C10orf90: variants seen among roughly 807,000 people sequenced by gnomAD.
C10orf90 encodes the protein chromosome 10 open reading frame 90, also known as (E2-independent) E3 ubiquitin-conjugating enzyme FATS.
In C10orf90, 56 loss-of-function variants were observed where a neutral mutation model predicts 62.5. The ratio of observed to expected loss-of-function variants is 0.90; its 90% confidence interval spans 0.72 to 1.12. The LOEUF is 1.12. Ranked by LOEUF, C10orf90 falls within the 50% of genes most tolerant of loss-of-function variation. The pLI is 0.00. For missense variants in C10orf90, 970 were observed against 880.4 expected (o/e 1.10, Z -1.29); for synonymous variants, 386 against 340.4 (o/e 1.13, Z -1.47).
chr10:126,570,928 A>T (rs1476995584), intron 2 of C10orf90, among the ~76,000 whole-genome samples: 1 of 151,994 alleles, frequency 6.6e-6, no homozygotes, highest in Non-Finnish European at 1.5e-5. Context: ...CCAGAAACAT[A>T]TTTTCTCAAT....
At chr10:126,447,263 C>T (rs1858843564) in intron 7 of C10orf90, among the ~76,000 whole-genome samples, 1 of 150,498 alleles carries the variant, frequency 6.6e-6, no homozygotes, top group Admixed American at 6.6e-5. Context: ...AAAAAAAAGA[C>T]CTAATAATAA....
chr10:126,461,054 GC>G (rs1859940919), intron 6 of C10orf90, among the ~76,000 whole-genome samples: 1 of 152,110 alleles, frequency 6.6e-6, no homozygotes, highest in Admixed American at 6.6e-5. Flanking sequence ...GAGATCTGGA[GC>G]CCCTATATGC....
intron 4 of C10orf90, among the ~76,000 whole-genome samples, chr10:126,471,403 A>C (rs1180018397): frequency 1.3e-5 from 2 of 152,202 alleles, no homozygotes; most frequent in East Asian, 3.8e-4. Context: ...TTTTCTCCCT[A>C]AAGCTGCAGA....
In C10orf90 at chr10:126,513,908, A is replaced by G; in HGVS notation, c.345T>C (p.Asp115=). 2.5e-6 allele frequency: 4 copies of G among 1,613,340 alleles called. No homozygotes were observed. The highest frequency in any genetic ancestry group is 3.4e-6 in the Non-Finnish European group (4 of 1,179,492). ...ACTGGAGATTTTTAAGGGCAATTTG[A>G]TCTCTTCTACTGTGGTAGCTGTCCC... ...GLRDSYHSRR[D]QIALKNLQSD... Residue 115 remains aspartate (D), a synonymous_variant, in exon 3 of 10, where the codon GAT becomes GAC. Coordinates refer to ENST00000488181, the MANE Select transcript of C10orf90 (RefSeq NM_001350921.2).
At chr10:126,621,574 G>A (rs1845644284) in intron 2 of C10orf90, among the ~76,000 whole-genome samples, 1 of 152,164 alleles carries the variant, frequency 6.6e-6, no homozygotes, top group South Asian at 2.1e-4. Context: ...CCCACCATCT[G>A]TGCTTTGTGC....
At chr10:126,534,481 T>C (rs913307948) in intron 2 of C10orf90, among the ~76,000 whole-genome samples, 2 of 152,220 alleles carry the variant, frequency 1.3e-5, no homozygotes, top group African/African-American at 4.8e-5. Flanking sequence ...GTCTGAAAGA[T>C]ATTTTTCCCG....
chr10:126,633,777 C>T (rs1276569915), intron 2 of C10orf90, among the ~76,000 whole-genome samples: 1 of 152,176 alleles, frequency 6.6e-6, no homozygotes, highest in Admixed American at 6.5e-5. Flanking sequence ...AAACATAATG[C>T]TTCAGAAAAG....
intron 2 of C10orf90, among the ~76,000 whole-genome samples, chr10:126,609,143 C>A (rs181038612): frequency 6.6e-6 from 1 of 152,340 alleles, no homozygotes; most frequent in Non-Finnish European, 1.5e-5. Flanking sequence ...TGGCTCACGC[C>A]TGTAATCCCA....
chr10:126,661,931 A>G lies in C10orf90; in HGVS notation c.240+8310T>C, dbSNP rs1285675821. On this transcript the variant is annotated intron_variant, in intron 1 of 9. Coordinates refer to ENST00000488181, the MANE Select transcript of C10orf90 (RefSeq NM_001350921.2). ...GCCTTTTAATAGATCATTGCTTGCT[A>G]ATTCTCTCATTTGCATCATTAATGA... 3.3e-5 allele frequency among the ~76,000 whole-genome samples: 5 copies of G among 152,078 alleles called. 1 individual carries two copies. The highest frequency in any genetic ancestry group is 4.1e-4 in the South Asian group (2 of 4,830).
At chr10:126,516,886 G>A (rs537058065) in intron 2 of C10orf90, among the ~76,000 whole-genome samples, 5 of 26,328 alleles carry the variant, frequency 1.9e-4, no homozygotes, top group South Asian at 2.1e-3. Context: ...TCACAGCCCC[G>A]CATCACTCAA....
At chr10:126,565,227 CATATTATGTAATATAATATTTATT>C (rs1844332883) in intron 2 of C10orf90, among the ~76,000 whole-genome samples, 1 of 48,462 alleles carries the variant, frequency 2.1e-5, no homozygotes, top group African/African-American at 6.8e-5. Flanking sequence ...TTTTATATTA[CATATTATGTAATATAATATTTATT>C]ATATTATATA....
At chr10:126,611,165 T>C (rs1468697453) in intron 2 of C10orf90, among the ~76,000 whole-genome samples, 2 of 152,160 alleles carry the variant, frequency 1.3e-5, no homozygotes, top group Non-Finnish European at 2.9e-5. Context: ...TCAGCCACCT[T>C]ACTGTAAGCC....
intron 7 of C10orf90, among the ~76,000 whole-genome samples, chr10:126,449,727 G>A (rs985045091): frequency 2.0e-5 from 3 of 152,060 alleles, no homozygotes; most frequent in Non-Finnish European, 2.9e-5. Context: ...GGCCAGGCGC[G>A]ATGGCTCATG....
At chr10:126,477,076 A>ATTTTTTTTTTTTTTTTTTTTTTTTTT (rs551973906) in intron 4 of C10orf90, among the ~76,000 whole-genome samples, 1 of 56,484 alleles carries the variant, frequency 1.8e-5, no homozygotes, top group Non-Finnish European at 3.2e-5. Flanking sequence ...CGCCTGGCTA[A>ATTTTTTTTTTTTTTTTTTTTTTTTTT]TTTTTTTTTT....
intron 2 of C10orf90, among the ~76,000 whole-genome samples, chr10:126,633,309 T>G (rs1845886404): frequency 6.6e-6 from 1 of 152,200 alleles, no homozygotes; most frequent in African/African-American, 2.4e-5. Flanking sequence ...GGAGAATATC[T>G]CACAGTATCT....
chr10:126,483,463 G>A (rs1369502636), intron 4 of C10orf90, among the ~76,000 whole-genome samples: 3 of 152,190 alleles, frequency 2.0e-5, no homozygotes, highest in Non-Finnish European at 4.4e-5. Context: ...CATGCCTTGT[G>A]TGCTGACTTG....
At chr10:126,432,889 AATC>A (rs2133993410) in intron 7 of C10orf90, among the ~76,000 whole-genome samples, 1 of 152,354 alleles carries the variant, frequency 6.6e-6, no homozygotes, top group African/African-American at 2.4e-5. Flanking sequence ...GGAGCTTTGC[AATC>A]CTGTTAAGGA....
intron 4 of C10orf90, among the ~76,000 whole-genome samples, chr10:126,479,709 A>T (rs1375904712): frequency 1.3e-5 from 2 of 152,238 alleles, no homozygotes; most frequent in Non-Finnish European, 2.9e-5. Flanking sequence ...AATGGAAGTC[A>T]TGTGGCTGAA....
chr10:126,522,755 C>A (rs573757786), intron 2 of C10orf90: 1 of 152,122 alleles, frequency 6.6e-6, no homozygotes, highest in Non-Finnish European at 1.5e-5. Context: ...ACTAAAGCTG[C>A]GAGTTTGCAA....
Sources: allele counts gnomAD v4.1 joint callset (sites outside exome capture counted in the v4.1 genomes callset), GRCh38; gene constraint gnomAD v4.1.1; transcripts MANE v1.5; gene names NCBI Gene and HGNC (gene_info 2026-07-23, HGNC 2026-07-21).